The following RBFOX1 variants were observed in gnomAD, a reference collection of about 807,000 sequenced individuals.
RBFOX1 encodes the protein RNA binding fox-1 homolog 1.
RBFOX1 carries 8 observed loss-of-function variants against 57.7 expected under a neutral mutation model. The ratio of observed to expected loss-of-function variants is 0.14; its 90% CI spans 0.08 to 0.25. The LOEUF (loss-of-function observed/expected upper bound fraction) is 0.25. RBFOX1 is among the 10% of genes least tolerant of loss of function. The pLI, the probability that RBFOX1 is intolerant of heterozygous loss-of-function variation, is 1.00. For missense variants in RBFOX1, 611 were observed against 548.5 expected (o/e 1.11, Z -1.14); for synonymous variants, 326 against 222.4 (o/e 1.47, Z -4.15).
At chr16:5,579,138 A>T (rs1300694954) in intron 2 of RBFOX1, among the ~76,000 whole-genome samples, 1 of 152,036 alleles carries the variant, frequency 6.6e-6, no homozygotes, top group Non-Finnish European at 1.5e-5. Flanking sequence ...ATGAGCCACC[A>T]CGCCTGGCCA....
intron 1 of RBFOX1, among the ~76,000 whole-genome samples, chr16:6,061,008 G>T (rs12920946): frequency 7.9e-5 from 12 of 151,822 alleles, no homozygotes; most frequent in South Asian, 2.1e-4. Context: ...CAGTTACTGA[G>T]GACAGAACCT....
At chr16:7,190,539 C>G (rs1002843063) in intron 4 of RBFOX1, among the ~76,000 whole-genome samples, 4 of 151,414 alleles carry the variant, frequency 2.6e-5, no homozygotes, top group East Asian at 1.9e-4. Flanking sequence ...ATCTGATGAG[C>G]TGGAGAGTGA....
chr16:5,376,038 G>A (rs1367240081), intron 1 of RBFOX1, among the ~76,000 whole-genome samples: 2 of 151,958 alleles, frequency 1.3e-5, no homozygotes, highest in Admixed American at 1.3e-4. Flanking sequence ...CTTGGTGGTG[G>A]GTGCCTGTAG....
chr16:5,729,626 A>G (rs938926325), intron 3 of RBFOX1, among the ~76,000 whole-genome samples: 1 of 152,096 alleles, frequency 6.6e-6, no homozygotes, highest in African/African-American at 2.4e-5. Flanking sequence ...GCTCACCTGT[A>G]TCTCTTCCAC....
intron 3 of RBFOX1, among the ~76,000 whole-genome samples, chr16:6,964,333 T>C (rs1160690278): frequency 1.3e-5 from 2 of 152,198 alleles, no homozygotes; most frequent in Non-Finnish European, 2.9e-5. Context: ...AGAGGATTTT[T>C]AGGGCAGTGA....
intron 4 of RBFOX1, among the ~76,000 whole-genome samples, chr16:7,301,816 G>A (rs1425579550): frequency 6.6e-6 from 1 of 152,172 alleles, no homozygotes; most frequent in Non-Finnish European, 1.5e-5. Context: ...GTAAAGAATG[G>A]GAAAGGGAGA....
intron 2 of RBFOX1, among the ~76,000 whole-genome samples, chr16:5,557,164 G>C (rs946415688): frequency 2.0e-5 from 3 of 152,012 alleles, no homozygotes; most frequent in African/African-American, 7.3e-5. Flanking sequence ...GGAGGCTGAG[G>C]CAGGAAAGTC....
intron 3 of RBFOX1, among the ~76,000 whole-genome samples, chr16:5,791,716 C>T (rs954040096): frequency 6.6e-6 from 1 of 152,208 alleles, no homozygotes; most frequent in Admixed American, 6.5e-5. Context: ...AAAATTAGCA[C>T]ACACACACAA....
intron 3 of RBFOX1, among the ~76,000 whole-genome samples, chr16:6,684,948 C>A (rs1259317844): frequency 6.6e-6 from 1 of 152,104 alleles, no homozygotes; most frequent in African/African-American, 2.4e-5. Flanking sequence ...TTAGGGTGAT[C>A]TTCAATTAAT....
At chr16:7,526,613 G>A (rs2078767955) in intron 5 of RBFOX1, among the ~76,000 whole-genome samples, 1 of 152,148 alleles carries the variant, frequency 6.6e-6, no homozygotes, top group Non-Finnish European at 1.5e-5. Context: ...TGAAAGTTTG[G>A]CAAAATAATT....
intron 3 of RBFOX1, among the ~76,000 whole-genome samples, chr16:5,814,589 C>G (rs1245554978): frequency 3.3e-5 from 5 of 152,178 alleles, no homozygotes; most frequent in Admixed American, 1.3e-4. Context: ...CGGTAGAGAG[C>G]CTATCTTCTC....
chr16:5,909,287 T>C (rs11641431), intron 4 of RBFOX1, among the ~76,000 whole-genome samples: 50,124 of 151,650 alleles, frequency 0.33, 8,780 homozygotes, highest in Middle Eastern at 0.49. Flanking sequence ...AGAGACTGGG[T>C]TTCACTGTGT....
intron 1 of RBFOX1, among the ~76,000 whole-genome samples, chr16:5,428,207 C>T (rs1380560028): frequency 6.6e-6 from 1 of 152,062 alleles, no homozygotes; most frequent in African/African-American, 2.4e-5. Context: ...TACTGAACTT[C>T]CCCATGGCAG....
chr16:6,357,627 G>C (rs73530356), intron 2 of RBFOX1, among the ~76,000 whole-genome samples: 4,571 of 149,516 alleles, frequency 0.031, 212 homozygotes, highest in African/African-American at 0.1. Context: ...CTCTCTCTCT[G>C]TCTTGCTTCC....
intron 2 of RBFOX1, among the ~76,000 whole-genome samples, chr16:6,318,012 A>T (rs775679853): frequency 1.3e-5 from 2 of 152,158 alleles, no homozygotes; most frequent in Non-Finnish European, 2.9e-5. Flanking sequence ...ATTGGAGGAC[A>T]TGGGACTCCA....
chr16:6,717,483 C>G (rs138710339), intron 3 of RBFOX1, among the ~76,000 whole-genome samples: 2 of 152,140 alleles, frequency 1.3e-5, no homozygotes, highest in Non-Finnish European at 2.9e-5. Flanking sequence ...AACTCAAAAA[C>G]TCCAAACTTG....
intron 4 of RBFOX1, among the ~76,000 whole-genome samples, chr16:5,973,918 G>T (rs1379371389): frequency 6.6e-6 from 1 of 152,152 alleles, no homozygotes; most frequent in African/African-American, 2.4e-5. Flanking sequence ...ATATTGAATG[G>T]ACTCTGGCAT....
chr16:7,501,961 C>G (rs2071045496), intron 4 of RBFOX1, among the ~76,000 whole-genome samples: 1 of 152,198 alleles, frequency 6.6e-6, no homozygotes, highest in African/African-American at 2.4e-5. Flanking sequence ...AACAGATACT[C>G]AATACCTAAC....
intron 4 of RBFOX1, among the ~76,000 whole-genome samples, chr16:7,169,166 G>C (rs1450352529): frequency 4.6e-5 from 7 of 152,154 alleles, no homozygotes; most frequent in African/African-American, 1.7e-4. Context: ...TTCAAATTTT[G>C]ACAATATTCA....
Sources: gnomAD v4.1 joint callset for allele counts (sites outside exome capture counted in the v4.1 genomes callset) on GRCh38, gnomAD v4.1.1 for gene constraint, MANE v1.5 for transcripts, NCBI Gene and HGNC (gene_info 2026-07-23, HGNC 2026-07-21) for gene names.